PPP6R3: variants seen among roughly 807,000 people sequenced by gnomAD.
PPP6R3 encodes the protein serine/threonine-protein phosphatase 6 regulatory subunit 3.
A neutral mutation model predicts 110.7 loss-of-function variants in PPP6R3; 38 were observed. The observed-to-expected ratio is 0.34, with a 90% confidence interval of 0.26 to 0.45. PPP6R3 has a LOEUF of 0.45. PPP6R3 is among the 20% of genes least tolerant of loss of function. PPP6R3 has a pLI of 1.00. For missense variants in PPP6R3, 870 were observed against 1,062.4 expected (o/e 0.82, Z 2.52); for synonymous variants, 369 against 373.5 (o/e 0.99, Z 0.14).
At position 68,573,153 on chromosome 11, in the gene PPP6R3, T is replaced by TATATATATATATATAA. The variant is rs1468107550; in HGVS notation, c.1344-955_1344-954insTATATATATATATAAA. On this transcript the variant is annotated intron_variant, in intron 12 of 23. Transcript: ENST00000393800. ...ATATATATATATATATATATATATA[T>TATATATATATATATAA]AATTTTTTTTTTTTTGAGACGGAGT... Among the ~76,000 whole-genome samples, 123 of 103,548 alleles carry TATATATATATATATAA rather than the reference T, an allele frequency of 1.2e-3. 4 individuals are homozygous for TATATATATATATATAA. Among genetic ancestry groups the TATATATATATATATAA allele is most frequent in the African/African-American group, 4.1e-3 (108 of 26,066 alleles). The allele number at this position is 103,548 out of a possible 152,430, so 67.9% of individuals were successfully genotyped here.
chr11:68,572,855 A>G (rs1488460570), intron 12 of PPP6R3, among the ~76,000 whole-genome samples: 1 of 1,934 alleles, frequency 5.2e-4, no homozygotes, highest in African/African-American at 2.1e-3. Flanking sequence ...TAAATAATCA[A>G]CCCTGTACTT....
chr11:68,575,907 C>T (rs1290941972), intron 13 of PPP6R3, 51 bp from the exon 14 acceptor site: 2 of 1,363,966 alleles, frequency 1.5e-6, no homozygotes, highest in Admixed American at 1.8e-5. Context: ...TTATTTGTCT[C>T]CGTGGAGGTC....
intron 14 of PPP6R3, among the ~76,000 whole-genome samples, chr11:68,579,215 A>G (rs187209789): frequency 9.2e-5 from 14 of 152,266 alleles, no homozygotes; most frequent in African/African-American, 2.9e-4. Flanking sequence ...CCTCAGTGGG[A>G]CCATACTTTG....
At chr11:68,592,762 T>C (rs556249650) in intron 18 of PPP6R3, among the ~76,000 whole-genome samples, 3 of 152,328 alleles carry the variant, frequency 2.0e-5, no homozygotes, top group African/African-American at 7.2e-5. Context: ...TTTTTGTTTG[T>C]TTGTTTGGAT....
In PPP6R3 at chr11:68,613,089, G is replaced by C. The variant is rs1944392803; in HGVS notation, c.2594G>C (p.Gly865Ala). The change falls in exon 24 of 24, where the codon GGT (glycine) becomes GCT (alanine). Residue 865 changes from glycine to alanine, a missense_variant. Gly to Ala is a moderately conservative substitution (Grantham distance 60). Coordinates refer to ENST00000393800, the MANE Select transcript of PPP6R3 (RefSeq NM_001164161.2). ...EQRTGQPSAP[G>A]DTSVNGPV ...AGGACTGGCCAACCAAGCGCACCAG[G>C]TGACACTTCAGTGAATGGCCCTGTA... 6.2e-7 allele frequency: 1 copy of C among 1,614,130 alleles called. No individual in the cohort carries two copies. Among genetic ancestry groups the C allele is most frequent in the Non-Finnish European group, 8.5e-7 (1 of 1,180,026 alleles).
chr11:68,613,739 T>C lies in PPP6R3; in HGVS notation c.*622T>C. 1 of 964,596 alleles carries C rather than the reference T, an allele frequency of 1.0e-6. No homozygotes were observed. The highest frequency in any genetic ancestry group is 1.2e-6 in the Non-Finnish European group (1 of 821,578). 59.8% of individuals were successfully genotyped at this position (964,596 alleles called of 1,614,324 possible). A position where few individuals can be genotyped will look rare whatever the true frequency, so the allele number is the denominator to read the frequency against. Reference sequence around the variant, plus strand: ...AAAACGGATCAAAAATGTAAGTCTATTGGTAGAGATTAAGTAAAGTATTTA... The same window carrying C: ...AAAACGGATCAAAAATGTAAGTCTACTGGTAGAGATTAAGTAAAGTATTTA... On this transcript the variant is annotated 3_prime_UTR_variant, in exon 24 of 24. Coordinates refer to ENST00000393800, the MANE Select transcript of PPP6R3 (RefSeq NM_001164161.2).
intron 2 of PPP6R3, among the ~76,000 whole-genome samples, chr11:68,529,066 T>A (rs930697375): frequency 7.9e-5 from 12 of 152,230 alleles, no homozygotes; most frequent in Non-Finnish European, 4.4e-5. Flanking sequence ...AGAGGTTGAG[T>A]GAGAATTCTA....
At chr11:68,597,817 GAA>G (rs10690649) in intron 19 of PPP6R3, among the ~76,000 whole-genome samples, 2 of 119,424 alleles carry the variant, frequency 1.7e-5, no homozygotes, top group Admixed American at 8.6e-5. Flanking sequence ...TGTCTCTACT[GAA>G]AAAAAAAAAA....
chr11:68,508,320 C>T (rs1246830455), intron 1 of PPP6R3, among the ~76,000 whole-genome samples: 3 of 151,628 alleles, frequency 2.0e-5, no homozygotes, highest in Non-Finnish European at 4.4e-5. Flanking sequence ...TTAGTAGAGA[C>T]GGGGTTTCAC....
At chr11:68,585,767 T>A (rs2099576363) in intron 15 of PPP6R3, among the ~76,000 whole-genome samples, 1 of 152,222 alleles carries the variant, frequency 6.6e-6, no homozygotes, top group Non-Finnish European at 1.5e-5. Flanking sequence ...AGTGTCTGTG[T>A]CAGTTGCTAT....
intron 1 of PPP6R3, among the ~76,000 whole-genome samples, chr11:68,478,926 G>A (rs1351814327): frequency 2.6e-5 from 4 of 152,084 alleles, no homozygotes; most frequent in African/African-American, 7.2e-5. Flanking sequence ...AGAGTGCTGG[G>A]ATTACAGGCA....
intron 1 of PPP6R3, among the ~76,000 whole-genome samples, chr11:68,470,996 C>G (rs1321985951): frequency 6.6e-6 from 1 of 151,724 alleles, no homozygotes; most frequent in Non-Finnish European, 1.5e-5. Context: ...AAATAGGAGT[C>G]TTTGGGCCGG....
At chr11:68,597,350 C>T (rs568654106) in intron 19 of PPP6R3, among the ~76,000 whole-genome samples, 3 of 152,282 alleles carry the variant, frequency 2.0e-5, no homozygotes, top group African/African-American at 7.2e-5. Flanking sequence ...TGCTGTTTTG[C>T]ATGGCTCGGG....
chr11:68,599,990 C>T (rs553577713), intron 19 of PPP6R3, among the ~76,000 whole-genome samples: 8 of 152,114 alleles, frequency 5.3e-5, no homozygotes, highest in South Asian at 2.1e-4. Flanking sequence ...GGCGTGATGG[C>T]GGGTGCCAGT....
intron 6 of PPP6R3, among the ~76,000 whole-genome samples, chr11:68,553,293 CTTTT>C (rs35624425): frequency 3.6e-5 from 5 of 138,660 alleles, no homozygotes; most frequent in Non-Finnish European, 4.7e-5. Flanking sequence ...TTTGCTTTTA[CTTTT>C]TTTTTTTTTT....
At chr11:68,554,969 G>A (rs2099393705) in intron 7 of PPP6R3, among the ~76,000 whole-genome samples, 1 of 152,074 alleles carries the variant, frequency 6.6e-6, no homozygotes, top group South Asian at 2.1e-4. Context: ...GTATATTGAG[G>A]CTGTTTTGCA....
At chr11:68,571,860 C>T (rs1315687629) in intron 12 of PPP6R3, among the ~76,000 whole-genome samples, 5 of 152,128 alleles carry the variant, frequency 3.3e-5, no homozygotes, top group African/African-American at 9.7e-5. Context: ...TGCCTGAAGT[C>T]ACCATCACCA....
chr11:68,544,701 A>C, intron 3 of PPP6R3, 137 bp from the exon 4 acceptor site: 1 of 623,550 alleles, frequency 1.6e-6, no homozygotes, highest in Non-Finnish European at 2.7e-6. Context: ...AACAGAATGG[A>C]TTGAAATGAT....
At chr11:68,610,652 C>G (rs945675254) in intron 23 of PPP6R3, among the ~76,000 whole-genome samples, 3 of 152,146 alleles carry the variant, frequency 2.0e-5, no homozygotes, top group Non-Finnish European at 2.9e-5. Context: ...TCTCAGCCAC[C>G]CGGAGCCCAT....
Sources: gnomAD v4.1 joint callset for allele counts (sites outside exome capture counted in the v4.1 genomes callset) on GRCh38, gnomAD v4.1.1 for gene constraint, MANE v1.5 for transcripts, NCBI Gene and HGNC (gene_info 2026-07-23, HGNC 2026-07-21) for gene names.